Variants in SPAG1 observed in about 807,000 individuals in gnomAD.
SPAG1 encodes the protein sperm associated antigen 1, also known as sperm-associated antigen 1.
In SPAG1, 69 loss-of-function variants were observed where a neutral mutation model predicts 100.5. The observed-to-expected ratio is 0.69, with a 90% CI of 0.57 to 0.84. The LOEUF is 0.84. Ranked by LOEUF, SPAG1 falls within the 40% of genes least tolerant of loss-of-function variation. The pLI is 0.00. For synonymous variants in SPAG1, 336 were observed against 411.6 expected (o/e 0.82, Z 2.22); for missense variants, 955 against 1,133.1 (o/e 0.84, Z 2.26).
intron 9 of SPAG1, among the ~76,000 whole-genome samples, chr8:100,193,328 G>A (rs1429564229): frequency 6.6e-6 from 1 of 152,094 alleles, no homozygotes; most frequent in Non-Finnish European, 1.5e-5. Context: ...AGACATGGTG[G>A]TGTGGGCCTG....
chr8:100,217,961 T>A (rs551916788), intron 12 of SPAG1, among the ~76,000 whole-genome samples: 1 of 152,242 alleles, frequency 6.6e-6, no homozygotes, highest in African/African-American at 2.4e-5. Context: ...TTTTGTATTT[T>A]TTTTTTAGTA....
intron 16 of SPAG1, among the ~76,000 whole-genome samples, chr8:100,237,337 T>A (rs892305268): frequency 1.3e-5 from 2 of 152,136 alleles, no homozygotes; most frequent in African/African-American, 4.8e-5. Flanking sequence ...CACCTTGGCC[T>A]CCCAAAGTGC....
At chr8:100,182,591 C>T (rs553721764) in intron 4 of SPAG1, among the ~76,000 whole-genome samples, 2 of 152,258 alleles carry the variant, frequency 1.3e-5, no homozygotes, top group East Asian at 3.9e-4. Flanking sequence ...CCAGCAGCAC[C>T]CTTGCCCTTC....
intron 8 of SPAG1, 33 bp downstream of exon 8, chr8:100,187,283 C>T: frequency 6.5e-7 from 1 of 1,541,466 alleles, no homozygotes; most frequent in South Asian, 1.2e-5. Flanking sequence ...TTTACATTTA[C>T]AGCAGGATCC....
chr8:100,215,572 T>C (rs982307258), intron 12 of SPAG1, among the ~76,000 whole-genome samples: 2 of 152,400 alleles, frequency 1.3e-5, no homozygotes, highest in South Asian at 2.1e-4. Context: ...AGAGTCTCGC[T>C]CTGTTGCCCA....
chr8:100,199,454 G>A (rs1031227848), intron 10 of SPAG1, among the ~76,000 whole-genome samples: 3 of 151,418 alleles, frequency 2.0e-5, no homozygotes, highest in African/African-American at 7.3e-5. Flanking sequence ...TTTTTTTGTT[G>A]TTGTTGTTGA....
chr8:100,217,957 AT>A (rs1021763430), intron 12 of SPAG1, among the ~76,000 whole-genome samples: 20 of 147,782 alleles, frequency 1.4e-4, no homozygotes, highest in African/African-American at 2.5e-4. Context: ...TAATTTTTGT[AT>A]TTTTTTTTTA....
At chr8:100,188,615 T>C (rs1327413603) in intron 8 of SPAG1, among the ~76,000 whole-genome samples, 1 of 152,240 alleles carries the variant, frequency 6.6e-6, no homozygotes, top group Non-Finnish European at 1.5e-5. Flanking sequence ...GCCTGAAATA[T>C]GCAAATCAGA....
At chr8:100,237,156 C>G (rs1036766931) in intron 16 of SPAG1, among the ~76,000 whole-genome samples, 1 of 152,194 alleles carries the variant, frequency 6.6e-6, no homozygotes, top group Non-Finnish European at 1.5e-5. Flanking sequence ...TCTTGGCTCA[C>G]TGCAACCTCC....
intron 9 of SPAG1, 127 bp from the exon 10 acceptor site, chr8:100,193,985 G>C (rs1488991190): frequency 2.7e-6 from 2 of 746,390 alleles, no homozygotes; most frequent in East Asian, 3.2e-5. Context: ...ACAATCAAAG[G>C]CCACCAAAAA....
chr8:100,229,937 C>G (rs1185408049), intron 14 of SPAG1, among the ~76,000 whole-genome samples: 4 of 152,142 alleles, frequency 2.6e-5, no homozygotes, highest in Non-Finnish European at 5.9e-5. Context: ...TCTGATGGCC[C>G]CATTTTCACA....
chr8:100,169,422 C>T (rs1216115819), intron 3 of SPAG1, among the ~76,000 whole-genome samples: 1 of 152,114 alleles, frequency 6.6e-6, no homozygotes, highest in Non-Finnish European at 1.5e-5. Flanking sequence ...ACAGCAAGAC[C>T]TCATCTCTAA....
chr8:100,215,299 A>C (rs1817928826), intron 12 of SPAG1, among the ~76,000 whole-genome samples: 1 of 151,886 alleles, frequency 6.6e-6, no homozygotes, highest in African/African-American at 2.4e-5. Flanking sequence ...TAGCTACATA[A>C]ATAAAACATT....
chr8:100,241,064 C>G lies in SPAG1; in HGVS notation c.*42C>G. 5.7e-6 allele frequency: 9 copies of G among 1,592,274 alleles called. No homozygotes were observed. Among genetic ancestry groups the G allele is most frequent in the Non-Finnish European group, 7.7e-6 (9 of 1,169,012 alleles). Reference sequence around the variant, plus strand: ...GATTTCTTCCATGCATGTATGTGTTCCAGGAATGTTAATGAGATGGTATTG... The same window carrying G: ...GATTTCTTCCATGCATGTATGTGTTGCAGGAATGTTAATGAGATGGTATTG... On this transcript the variant is annotated 3_prime_UTR_variant, in exon 19 of 19. Coordinates refer to ENST00000388798, the MANE Select transcript of SPAG1 (RefSeq NM_003114.5). This position sits in a 1 kb window ranked among gnomAD's most constrained non-coding sequence, Gnocchi z 5.1.
intron 10 of SPAG1, among the ~76,000 whole-genome samples, chr8:100,198,704 T>G (rs1473211873): frequency 6.6e-6 from 1 of 152,232 alleles, no homozygotes; most frequent in Non-Finnish European, 1.5e-5. Flanking sequence ...TTCATGAAGT[T>G]GTACAACTAT....
At chr8:100,226,863 A>G (rs1192932783) in intron 14 of SPAG1, among the ~76,000 whole-genome samples, 1 of 152,222 alleles carries the variant, frequency 6.6e-6, no homozygotes, top group Non-Finnish European at 1.5e-5. Flanking sequence ...TGGAGCACAT[A>G]TATGACAGTG....
At position 100,183,424 on chromosome 8, in the gene SPAG1, C is replaced by T. The variant is rs370505284; in HGVS notation, c.476C>T (p.Ala159Val). 69 of 1,497,902 alleles carry T rather than the reference C, an allele frequency of 4.6e-5. No individual in the cohort carries two copies. The highest frequency in any genetic ancestry group is 2.5e-4 in the African/African-American group (18 of 71,656). The allele number at this position is 1,497,902 out of a possible 1,614,324, so 92.8% of individuals were successfully genotyped here. ...AAAAAGAAAACTCCAAGGGATTACGCGGAATGGGATAAGTATGTTTTACAT... is the reference window on the plus strand; with the variant it reads ...AAAAAGAAAACTCCAAGGGATTACGTGGAATGGGATAAGTATGTTTTACAT... Reference protein sequence around the residue: ...PTKKKTPRDYAEWDKFDVEKE... With the variant: ...PTKKKTPRDYVEWDKFDVEKE... The change falls in exon 5 of 19, where the codon GCG becomes GTG. Residue 159 changes from alanine (A) to valine (V), a missense_variant. Transcript: ENST00000388798.
intron 3 of SPAG1, among the ~76,000 whole-genome samples, chr8:100,174,704 G>A (rs531556874): frequency 2.0e-5 from 3 of 152,218 alleles, no homozygotes; most frequent in South Asian, 4.1e-4. Context: ...TTATTTTCTG[G>A]CATTGCTTCT....
At position 100,228,017 on chromosome 8, in the gene SPAG1, T is replaced by C. The variant is rs561654798; in HGVS notation, c.1855+2678T>C. On this transcript the variant is annotated intron_variant, in intron 14 of 18. Transcript: ENST00000388798. Reference sequence around the variant, plus strand: ...GTGCCACCGTGTCTGGCTAATTTTGTATTTTTTATAGAGACAGGATCTCAT... The same window carrying C: ...GTGCCACCGTGTCTGGCTAATTTTGCATTTTTTATAGAGACAGGATCTCAT... 1.6e-4 allele frequency among the ~76,000 whole-genome samples: 25 copies of C among 152,000 alleles called. No homozygotes were observed. In the South Asian group the frequency reaches 3.5e-3, roughly 22 times the overall value.
Sources: gnomAD v4.1 joint callset for allele counts (sites outside exome capture counted in the v4.1 genomes callset) on GRCh38, gnomAD v4.1.1 for gene constraint, Gnocchi (gnomAD v3.1) non-coding constraint, MANE v1.5 for transcripts, NCBI Gene and HGNC (gene_info 2026-07-23, HGNC 2026-07-21) for gene names.